THEMIS: variants seen among roughly 807,000 people sequenced by gnomAD.
The protein encoded by THEMIS is thymocyte selection associated.
THEMIS carries 37 observed loss-of-function variants against 52.6 expected under a neutral mutation model. The observed-to-expected ratio is 0.70, with a 90% CI of 0.54 to 0.93. THEMIS has a LOEUF of 0.93. Ranked by LOEUF, THEMIS falls within the 40% of genes least tolerant of loss-of-function variation. THEMIS has a pLI of 0.00. For missense variants in THEMIS, 808 were observed against 763.1 expected (o/e 1.06, Z -0.69); for synonymous variants, 292 against 272.7 (o/e 1.07, Z -0.70).
intron 4 of THEMIS, among the ~76,000 whole-genome samples, chr6:127,801,383 A>G (rs1777529607): frequency 6.6e-6 from 1 of 152,162 alleles, no homozygotes; most frequent in South Asian, 2.1e-4. Context: ...AAATTGTGGA[A>G]AAATAGACAC....
chr6:127,784,998 TCTATCTATTATC>T lies in THEMIS; in HGVS notation c.1758+27873_1758+27884del, dbSNP rs879479126. 4.1e-3 allele frequency among the ~76,000 whole-genome samples: 476 copies of T among 117,278 alleles called. 3 individuals are homozygous for T. The highest frequency in any genetic ancestry group is 6.6e-3 in the Admixed American group (81 of 12,338). The allele number at this position is 117,278 out of a possible 152,430, so 76.9% of individuals were successfully genotyped here. On this transcript the variant is annotated intron_variant, in intron 4 of 5. Transcript: ENST00000368248. ...ATCTATCTATCTATCTATCTATCTA[TCTATCTATTATC>T]TATCTATCTATCTACCTATCAATAT...
chr6:127,909,787 T>C (rs1248334312), intron 1 of THEMIS: 2 of 152,138 alleles, frequency 1.3e-5, no homozygotes, highest in Non-Finnish European at 2.9e-5. Flanking sequence ...TGGGTGCAGG[T>C]TGGTCAGGAT....
chr6:127,886,894 T>C (rs781380771), intron 1 of THEMIS, among the ~76,000 whole-genome samples: 6 of 152,090 alleles, frequency 3.9e-5, no homozygotes, highest in Non-Finnish European at 5.9e-5. Flanking sequence ...GTTCGAGTTC[T>C]TCTAGAGAAT....
At chr6:127,777,233 T>G (rs2114466081) in intron 4 of THEMIS, among the ~76,000 whole-genome samples, 1 of 152,226 alleles carries the variant, frequency 6.6e-6, no homozygotes, top group African/African-American at 2.4e-5. Context: ...TTTGCTTATT[T>G]CCTGCCTTAC....
chr6:127,699,207 CTAATT>C, the THEMIS span, among the ~76,000 whole-genome samples: 7 of 151,690 alleles, frequency 4.6e-5, no homozygotes, highest in Non-Finnish European at 8.9e-5. Flanking sequence ...ACAAATTTAT[CTAATT>C]TATTTCTCAT....
intron 2 of THEMIS, among the ~76,000 whole-genome samples, chr6:127,838,169 T>C (rs1778932784): frequency 6.6e-6 from 1 of 152,082 alleles, no homozygotes; most frequent in African/African-American, 2.4e-5. Context: ...GAATTCAAAA[T>C]ATATTACATG....
intron 2 of THEMIS, among the ~76,000 whole-genome samples, chr6:127,849,827 G>A (rs1194353125): frequency 1.3e-5 from 2 of 151,954 alleles, no homozygotes; most frequent in Non-Finnish European, 2.9e-5. Context: ...CTGGAAATGA[G>A]CTTAGGCAAA....
chr6:127,825,481 T>C (rs983076799), intron 3 of THEMIS, among the ~76,000 whole-genome samples: 7 of 152,186 alleles, frequency 4.6e-5, no homozygotes, highest in African/African-American at 1.7e-4. Context: ...CTATCAATCT[T>C]ATATGTGTAT....
chr6:127,732,992 T>C (rs1774864515), intron 4 of THEMIS, among the ~76,000 whole-genome samples: 1 of 152,234 alleles, frequency 6.6e-6, no homozygotes, highest in Non-Finnish European at 1.5e-5. Flanking sequence ...TAAGACTTGG[T>C]ACTCTCAGTC....
intron 4 of THEMIS, among the ~76,000 whole-genome samples, chr6:127,754,602 C>G (rs546505643): frequency 6.6e-6 from 1 of 152,118 alleles, no homozygotes; most frequent in African/African-American, 2.4e-5. Context: ...TTCCTCCATT[C>G]GGTTTCACAG....
In THEMIS at chr6:127,719,741, T is replaced by A. The variant is rs1235397394; in HGVS notation, c.1841A>T (p.Asp614Val). 1 of 1,612,382 alleles carries A rather than the reference T, an allele frequency of 6.2e-7. No individual in the cohort carries two copies. Among genetic ancestry groups the A allele is most frequent in the East Asian group, 2.2e-5 (1 of 44,816 alleles). Residue 614 changes from aspartate (D) to valine (V), a missense_variant, in exon 5 of 6, where the codon GAT (aspartate) becomes GTT (valine). By Grantham distance (152) the Asp-to-Val change is radical. Transcript: ENST00000368248. ...CCTTTCTTTCTCTTCATCCACCAAATCATTCTGACTACCAATCAGTACTTT... is the reference window on the plus strand; with the variant it reads ...CCTTTCTTTCTCTTCATCCACCAAAACATTCTGACTACCAATCAGTACTTT... ...DSKVLIGSQN[D>V]LVDEEKERSN...
intron 5 of THEMIS, among the ~76,000 whole-genome samples, chr6:127,717,068 C>T (rs563677353): frequency 1.5e-4 from 23 of 151,842 alleles, no homozygotes; most frequent in Non-Finnish European, 2.5e-4. Flanking sequence ...ATTTACAGAG[C>T]GTATCATAGG....
intron 2 of THEMIS, among the ~76,000 whole-genome samples, chr6:127,831,891 G>A (rs891852157): frequency 1.3e-5 from 2 of 152,032 alleles, no homozygotes; most frequent in Admixed American, 1.3e-4. Context: ...TAGTGTTCTT[G>A]AATTCACCAC....
intron 2 of THEMIS, among the ~76,000 whole-genome samples, chr6:127,841,367 GA>G (rs1424611192): frequency 6.6e-6 from 1 of 152,040 alleles, no homozygotes; most frequent in African/African-American, 2.4e-5. Context: ...TTCCTCTCAT[GA>G]GAATCCTTCC....
the THEMIS span, among the ~76,000 whole-genome samples, chr6:127,697,078 G>A: frequency 2.0e-5 from 3 of 151,844 alleles, no homozygotes; most frequent in Admixed American, 1.3e-4. Flanking sequence ...CCCCTCTCCC[G>A]ACTCATATAT....
intron 4 of THEMIS, among the ~76,000 whole-genome samples, chr6:127,722,663 C>T (rs756754894): frequency 4.6e-5 from 7 of 151,964 alleles, no homozygotes; most frequent in Non-Finnish European, 7.4e-5. Flanking sequence ...CCCTGTTACC[C>T]TTAAGTTGGA....
rs563969580 is a variant in THEMIS, at chr6:127,714,208, C to T, written c.1895-4192G>A. Among the ~76,000 whole-genome samples the T allele has an allele frequency of 7.2e-5, 11 of 151,876 alleles. No homozygotes were observed. The South Asian group carries it at 2.1e-3, about 29-fold the overall frequency. On this transcript the variant is annotated intron_variant, in intron 5 of 5. Coordinates refer to ENST00000368248, the MANE Select transcript of THEMIS (RefSeq NM_001010923.3). Reference sequence around the variant, plus strand: ...CACCTGAGATACATTGAAACACATCCCCGTGGTATACCTGAATCATACTTT... The same window carrying T: ...CACCTGAGATACATTGAAACACATCTCCGTGGTATACCTGAATCATACTTT...
Position 127,790,683 on chromosome 6 carries a change from G to A in THEMIS, c.1758+22200C>T, listed in dbSNP as rs1353913312. On this transcript the variant is annotated intron_variant, in intron 4 of 5. Coordinates refer to ENST00000368248, the MANE Select transcript of THEMIS (RefSeq NM_001010923.3). ...CCCACTGTGCTTGATGTGCCCACTC[G>A]GCCTGGCAGCCTGAACTCAGCTTGC... 5.3e-5 allele frequency among the ~76,000 whole-genome samples: 8 copies of A among 152,258 alleles called. No individual in the cohort carries two copies. The South Asian group carries it at 1.2e-3, about 24-fold the overall frequency.
intron 4 of THEMIS, among the ~76,000 whole-genome samples, chr6:127,768,114 C>G (rs1776260549): frequency 6.6e-6 from 1 of 152,114 alleles, no homozygotes; most frequent in Non-Finnish European, 1.5e-5. Context: ...GAACTATACA[C>G]CCACATGCAC....
Sources: allele counts gnomAD v4.1 joint callset (sites outside exome capture counted in the v4.1 genomes callset), GRCh38; gene constraint gnomAD v4.1.1; transcripts MANE v1.5; gene names NCBI Gene and HGNC (gene_info 2026-07-23, HGNC 2026-07-21).